Variants in ZFAND3 observed in about 807,000 individuals in gnomAD.
ZFAND3 encodes zinc finger AN1-type containing 3, also known as AN1-type zinc finger protein 3.
A neutral mutation model predicts 29.6 loss-of-function variants in ZFAND3; 10 were observed. The ratio of observed to expected loss-of-function variants is 0.34; its 90% confidence interval spans 0.21 to 0.57. The LOEUF (loss-of-function observed/expected upper bound fraction) is 0.57, where lower values mean the gene tolerates loss of function less well. Among genes scored for constraint, ZFAND3 ranks in the 20% least tolerant of loss-of-function variants. The pLI is 0.86. For synonymous variants in ZFAND3, 128 were observed against 112.6 expected, an observed-to-expected ratio of 1.14 and a Z score of -0.87; for missense variants, 230 against 304.5, an observed-to-expected ratio of 0.76 and a Z score of 1.82.
At chr6:37,867,014 A>G (rs1406584168) in intron 1 of ZFAND3, among the ~76,000 whole-genome samples, 2 of 152,246 alleles carry the variant, frequency 1.3e-5, no homozygotes, top group East Asian at 3.8e-4. Context: ...CAGACAGATG[A>G]TGACTCAAAG....
At chr6:38,006,657 T>G (rs1164312934) in intron 2 of ZFAND3, among the ~76,000 whole-genome samples, 30 of 5,066 alleles carry the variant, frequency 5.9e-3, no homozygotes, top group African/African-American at 6.4e-3. Flanking sequence ...GGAAGAGGGT[T>G]TTTTTTTTTT....
At chr6:38,045,055 T>TTTATTTAC (rs1256358286) in intron 2 of ZFAND3, among the ~76,000 whole-genome samples, 50 of 20,920 alleles carry the variant, frequency 2.4e-3, no homozygotes, top group African/African-American at 5.2e-3. Context: ...TGGAAATTCT[T>TTTATTTAC]TTATTTATTT....
intron 1 of ZFAND3, among the ~76,000 whole-genome samples, chr6:37,827,356 C>T (rs571761240): frequency 1.5e-3 from 230 of 152,278 alleles, no homozygotes; most frequent in African/African-American, 5.2e-3. Flanking sequence ...ATTGGTCTAA[C>T]AATCAGTTTC....
chr6:38,110,663 T>G (rs1001567816), intron 4 of ZFAND3, among the ~76,000 whole-genome samples: 1 of 152,230 alleles, frequency 6.6e-6, no homozygotes, highest in African/African-American at 2.4e-5. Context: ...CTAAAAAAAC[T>G]GATTGAGTAC....
At chr6:37,906,860 C>CTGTT (rs1460100328) in intron 1 of ZFAND3, among the ~76,000 whole-genome samples, 1 of 151,968 alleles carries the variant, frequency 6.6e-6, no homozygotes, top group East Asian at 1.9e-4. Flanking sequence ...GCTTTGCCCA[C>CTGTT]TGTTTAATTG....
At chr6:37,983,343 C>CTTTTTTTTTTTTTTTTTT (rs70981516) in intron 2 of ZFAND3, among the ~76,000 whole-genome samples, 9 of 50,048 alleles carry the variant, frequency 1.8e-4, no homozygotes, top group African/African-American at 5.7e-4. Context: ...CAGTTTTTAT[C>CTTTTTTTTTTTTTTTTTT]TTTTTTTTTT....
At chr6:37,993,461 A>G (rs529014348) in intron 2 of ZFAND3, among the ~76,000 whole-genome samples, 1 of 152,132 alleles carries the variant, frequency 6.6e-6, no homozygotes, top group South Asian at 2.1e-4. Flanking sequence ...CAAGTAGCTA[A>G]GATTACAGGC....
At chr6:37,925,146 G>A (rs1214981077) in intron 1 of ZFAND3, among the ~76,000 whole-genome samples, 1 of 152,094 alleles carries the variant, frequency 6.6e-6, no homozygotes, top group African/African-American at 2.4e-5. Context: ...GTTGGATAGT[G>A]TTAAGCAAGA....
At chr6:38,053,824 G>A (rs1389690188) in intron 2 of ZFAND3, among the ~76,000 whole-genome samples, 1 of 152,126 alleles carries the variant, frequency 6.6e-6, no homozygotes, top group Non-Finnish European at 1.5e-5. Context: ...GGTAATTTGG[G>A]GGATACAAAA....
chr6:37,914,084 T>G (rs1189463536), intron 1 of ZFAND3, among the ~76,000 whole-genome samples: 1 of 152,158 alleles, frequency 6.6e-6, no homozygotes, highest in Non-Finnish European at 1.5e-5. Flanking sequence ...AAATGATTCC[T>G]TGATCCATGG....
Position 38,101,305 on chromosome 6 carries a change from C to T in ZFAND3, c.362-15267C>T, listed in dbSNP as rs147634519. ...TTCTTCAGCTCTCTTAAACGTTGTA[C>T]ACACTTAGTAGTGCCTACATCAACA... On this transcript the variant is annotated intron_variant, in intron 4 of 5. Coordinates refer to ENST00000287218, the MANE Select transcript of ZFAND3 (RefSeq NM_021943.3). 3.6e-3 allele frequency among the ~76,000 whole-genome samples: 555 copies of T among 152,238 alleles called. 3 individuals carry two copies. Among genetic ancestry groups the T allele is most frequent in the Middle Eastern group, 0.014 (4 of 294 alleles).
intron 2 of ZFAND3, among the ~76,000 whole-genome samples, chr6:38,026,828 G>C (rs550498235): frequency 6.6e-6 from 1 of 151,400 alleles, no homozygotes; most frequent in African/African-American, 2.4e-5. Context: ...TTAATACTAG[G>C]TATCTCCCTC....
intron 1 of ZFAND3, among the ~76,000 whole-genome samples, chr6:37,924,661 A>G (rs1363832543): frequency 1.3e-5 from 2 of 151,416 alleles, no homozygotes; most frequent in Non-Finnish European, 2.9e-5. Context: ...AAAGTAAGAC[A>G]CCATCTTTAC....
intron 4 of ZFAND3, among the ~76,000 whole-genome samples, chr6:38,113,317 T>A (rs1373580278): frequency 6.6e-6 from 1 of 152,216 alleles, no homozygotes; most frequent in Non-Finnish European, 1.5e-5. Context: ...TAGGGCTTAA[T>A]GGTGTTCTTT....
intron 2 of ZFAND3, among the ~76,000 whole-genome samples, chr6:37,940,075 G>A (rs892526283): frequency 6.6e-6 from 1 of 152,080 alleles, no homozygotes; most frequent in African/African-American, 2.4e-5. Flanking sequence ...GAGTTAATTG[G>A]TAATATTCCC....
At chr6:38,117,803 C>G (rs1427095613) in intron 5 of ZFAND3, among the ~76,000 whole-genome samples, 1 of 152,208 alleles carries the variant, frequency 6.6e-6, no homozygotes, top group Non-Finnish European at 1.5e-5. Context: ...TGGAAGTTTA[C>G]TATCTTCTGA....
chr6:37,908,955 A>T (rs553158975), intron 1 of ZFAND3, among the ~76,000 whole-genome samples: 3 of 152,248 alleles, frequency 2.0e-5, no homozygotes, highest in African/African-American at 7.2e-5. Context: ...AAATAATTTC[A>T]TAAGTTGTGT....
At chr6:37,852,632 G>C (rs981814731) in intron 1 of ZFAND3, among the ~76,000 whole-genome samples, 2 of 151,034 alleles carry the variant, frequency 1.3e-5, no homozygotes, top group African/African-American at 2.4e-5. Flanking sequence ...CATAATTTTT[G>C]TGTTCCCTTA....
intron 1 of ZFAND3, among the ~76,000 whole-genome samples, chr6:37,917,394 T>C (rs1761280340): frequency 6.6e-6 from 1 of 152,208 alleles, no homozygotes; most frequent in Non-Finnish European, 1.5e-5. Flanking sequence ...GCAACTGTTT[T>C]TACCCTGAAG....
Sources: allele counts gnomAD v4.1 joint callset (sites outside exome capture counted in the v4.1 genomes callset), GRCh38; gene constraint gnomAD v4.1.1; transcripts MANE v1.5; gene names NCBI Gene and HGNC (gene_info 2026-07-23, HGNC 2026-07-21).